The following ST3GAL3 variants were observed in gnomAD, a reference collection of about 807,000 sequenced individuals.
The protein encoded by ST3GAL3 is ST3 beta-galactoside alpha-2,3-sialyltransferase 3.
Under a neutral mutation model 50.1 loss-of-function variants are expected in ST3GAL3, and 21 were observed. That is an observed-to-expected ratio of 0.42 (90% CI 0.30 to 0.60). The LOEUF (loss-of-function observed/expected upper bound fraction) is 0.60. Among genes scored for constraint, ST3GAL3 ranks in the 20% least tolerant of loss-of-function variants. The probability of loss-of-function intolerance (pLI) is 0.19; values close to 1 mark genes in which losing one functional copy is unlikely to be tolerated. For synonymous variants in ST3GAL3, 183 were observed against 190.0 expected (o/e 0.96, Z 0.30); for missense variants, 353 against 489.4 (o/e 0.72, Z 2.63).
At chr1:43,763,950 G>A (rs1476102008) in intron 2 of ST3GAL3, among the ~76,000 whole-genome samples, 1 of 152,190 alleles carries the variant, frequency 6.6e-6, no homozygotes, top group Non-Finnish European at 1.5e-5. Context: ...TTGAGGCTTT[G>A]GAATCCACCC....
At chr1:43,896,636 A>C (rs1384297570) in intron 6 of ST3GAL3, 2 of 152,218 alleles carry the variant, frequency 1.3e-5, no homozygotes, top group Non-Finnish European at 2.9e-5. Flanking sequence ...CCTCAACTCC[A>C]GCGCTCAAGC....
At chr1:43,756,403 T>A (rs1688130216) in intron 2 of ST3GAL3, among the ~76,000 whole-genome samples, 1 of 152,168 alleles carries the variant, frequency 6.6e-6, no homozygotes, top group Non-Finnish European at 1.5e-5. Context: ...TATGTATGTG[T>A]ACAACTTTCA....
At position 43,723,344 on chromosome 1, in the gene ST3GAL3, G is replaced by C. The variant is rs367598437; in HGVS notation, c.-30-12889G>C. ...GACTGGTCTCAAACTCCTGACCTCA[G>C]GTGATCCACCTGCCTCGGCCTCCCA... On this transcript the variant is annotated intron_variant, in intron 1 of 11. Coordinates refer to ENST00000347631, the MANE Select transcript of ST3GAL3 (RefSeq NM_006279.5). 4.5e-4 allele frequency among the ~76,000 whole-genome samples: 69 copies of C among 152,112 alleles called. 2 individuals are homozygous for C. The East Asian group carries it at 0.012, about 27-fold the overall frequency.
At chr1:43,854,989 A>G (rs951799717) in intron 5 of ST3GAL3, among the ~76,000 whole-genome samples, 1 of 152,044 alleles carries the variant, frequency 6.6e-6, no homozygotes, top group Non-Finnish European at 1.5e-5. Flanking sequence ...TCTTATCACT[A>G]TTTAATCATA....
intron 3 of ST3GAL3, among the ~76,000 whole-genome samples, chr1:43,797,706 C>T (rs2058840617): frequency 6.6e-6 from 1 of 152,084 alleles, no homozygotes; most frequent in South Asian, 2.1e-4. Context: ...GACTGCTCTC[C>T]CCCTAACATC....
intron 5 of ST3GAL3, among the ~76,000 whole-genome samples, chr1:43,889,866 A>G (rs1166627161): frequency 1.3e-5 from 2 of 152,252 alleles, no homozygotes; most frequent in Admixed American, 1.3e-4. Context: ...CTAATTTTGA[A>G]TTGGAAATAC....
At chr1:43,771,903 G>A (rs1695384570) in intron 2 of ST3GAL3, 2 of 398,478 alleles carry the variant, frequency 5.0e-6, no homozygotes, top group South Asian at 2.5e-4. Flanking sequence ...TGTTTCAAAG[G>A]TGTGTGCCCC....
intron 3 of ST3GAL3, among the ~76,000 whole-genome samples, chr1:43,797,208 T>G (rs1166463965): frequency 6.6e-6 from 1 of 152,054 alleles, no homozygotes; most frequent in Non-Finnish European, 1.5e-5. Flanking sequence ...CTAAAAAAAT[T>G]TAAAAATATT....
At chr1:43,833,013 C>A (rs2063751953) in intron 4 of ST3GAL3, among the ~76,000 whole-genome samples, 1 of 152,172 alleles carries the variant, frequency 6.6e-6, no homozygotes, top group Non-Finnish European at 1.5e-5. Context: ...ACATGGTCTT[C>A]TTTTCTCATA....
At chr1:43,826,102 CAA>C (rs561426369) in intron 4 of ST3GAL3, among the ~76,000 whole-genome samples, 1 of 136,056 alleles carries the variant, frequency 7.3e-6, no homozygotes, top group Admixed American at 7.4e-5. Context: ...CTCGTCTCTT[CAA>C]AAAAAAAAAC....
chr1:43,796,521 C>G (rs2058700147), intron 3 of ST3GAL3, among the ~76,000 whole-genome samples: 1 of 152,200 alleles, frequency 6.6e-6, no homozygotes, highest in African/African-American at 2.4e-5. Flanking sequence ...ACACAGAGGA[C>G]TCTTCTGAAC....
intron 5 of ST3GAL3, among the ~76,000 whole-genome samples, chr1:43,875,974 ATTATTATTT>A (rs1379459473): frequency 7.5e-6 from 1 of 134,082 alleles, no homozygotes; most frequent in African/African-American, 2.6e-5. Flanking sequence ...TATTATTATT[ATTATTATTT>A]TTGAGACAGG....
chr1:43,823,509 A>T (rs1482533463), intron 4 of ST3GAL3, among the ~76,000 whole-genome samples: 2 of 152,170 alleles, frequency 1.3e-5, no homozygotes, highest in Non-Finnish European at 1.5e-5. Flanking sequence ...TTCAAATGTC[A>T]CCTTCTTAAT....
intron 4 of ST3GAL3, among the ~76,000 whole-genome samples, chr1:43,836,764 TG>T (rs1238733482): frequency 4.6e-5 from 7 of 152,248 alleles, no homozygotes; most frequent in Admixed American, 4.6e-4. Context: ...GCCCATTCAC[TG>T]ACTATATCCT....
At chr1:43,854,018 A>G (rs1346800472) in intron 5 of ST3GAL3, among the ~76,000 whole-genome samples, 1 of 152,188 alleles carries the variant, frequency 6.6e-6, no homozygotes, top group East Asian at 1.9e-4. Context: ...GCCCTTCCAG[A>G]AAAAGATCCT....
At chr1:43,758,330 A>T (rs988349446) in intron 2 of ST3GAL3, among the ~76,000 whole-genome samples, 1 of 152,164 alleles carries the variant, frequency 6.6e-6, no homozygotes, top group South Asian at 2.1e-4. Flanking sequence ...AGTTCACTGC[A>T]ACCTCAAAGT....
chr1:43,863,751 G>A (rs868052570), intron 5 of ST3GAL3, among the ~76,000 whole-genome samples: 49 of 152,214 alleles, frequency 3.2e-4, no homozygotes, highest in African/African-American at 1.0e-3. Context: ...TGTCCTCAGC[G>A]TGTGGGAGAA....
At chr1:43,887,491 A>G (rs143821552) in intron 5 of ST3GAL3, among the ~76,000 whole-genome samples, 3 of 152,210 alleles carry the variant, frequency 2.0e-5, no homozygotes, top group Non-Finnish European at 4.4e-5. Context: ...AATTGCATTC[A>G]GAGAGTATTG....
At chr1:43,742,360 T>G (rs1681317883) in intron 2 of ST3GAL3, among the ~76,000 whole-genome samples, 1 of 152,140 alleles carries the variant, frequency 6.6e-6, no homozygotes, top group South Asian at 2.1e-4. Flanking sequence ...TTTCAAAGTT[T>G]GGGTCTTATC....
Sources: allele counts gnomAD v4.1 joint callset (sites outside exome capture counted in the v4.1 genomes callset), GRCh38; gene constraint gnomAD v4.1.1; transcripts MANE v1.5; gene names NCBI Gene and HGNC (gene_info 2026-07-23, HGNC 2026-07-21).